Variants in PBX3 observed in about 807,000 individuals in gnomAD.
PBX3 encodes PBX homeobox 3.
In PBX3, 14 loss-of-function variants were observed where a neutral mutation model predicts 48.5. That is an observed-to-expected ratio of 0.29 (90% confidence interval 0.19 to 0.45). The LOEUF (loss-of-function observed/expected upper bound fraction) is 0.45, where lower values mean the gene tolerates loss of function less well. PBX3 is among the 20% of genes least tolerant of loss of function. The pLI, the probability that PBX3 is intolerant of heterozygous loss-of-function variation, is 1.00. For missense variants in PBX3, 386 were observed against 546.7 expected, an observed-to-expected ratio of 0.71 and a Z score of 2.93; for synonymous variants, 210 against 200.3, an observed-to-expected ratio of 1.05 and a Z score of -0.41.
At chr9:125,819,373 A>G (rs554547001) in intron 2 of PBX3, among the ~76,000 whole-genome samples, 1 of 151,854 alleles carries the variant, frequency 6.6e-6, no homozygotes, top group South Asian at 2.1e-4. Context: ...CTAAAAATAC[A>G]AAATTAGCTG....
Position 125,937,360 on chromosome 9 carries a change from TA to T in PBX3, c.843+1761del, listed in dbSNP as rs539276800. ...AACCCACTTACCAGTGTGTTTTTTT[TA>T]AAAAAAACAGTTAATTATTAAATTT... On this transcript the variant is annotated intron_variant, in intron 5 of 8. Transcript: ENST00000373489. Among the ~76,000 whole-genome samples the T allele has an allele frequency of 5.3e-5, 8 of 151,706 alleles. No individual in the cohort carries two copies. The East Asian group carries it at 5.8e-4, about 11-fold the overall frequency.
chr9:125,872,579 C>T (rs575664328), intron 2 of PBX3, among the ~76,000 whole-genome samples: 25 of 151,716 alleles, frequency 1.6e-4, no homozygotes, highest in Non-Finnish European at 2.1e-4. Flanking sequence ...GGCAACATAG[C>T]GAGACCCCCA....
Position 125,966,913 on chromosome 9 carries a change from C to T in PBX3, c.*990C>T, listed in dbSNP as rs1281957407. On this transcript the variant is annotated 3_prime_UTR_variant, in exon 9 of 9. Transcript: ENST00000373489. ...ATCTTGTAATTAACTCTTTGTTTCC[C>T]TTCATAAAATGTAATGTACATTGTA... The T allele has an allele frequency of 2.6e-5, 4 of 152,468 alleles. No homozygotes were observed. The highest frequency in any genetic ancestry group is 4.8e-5 in the African/African-American group (2 of 41,390). The allele number at this position is 152,468 out of a possible 1,614,324, so 9.4% of individuals were successfully genotyped here. A position where few individuals can be genotyped will look rare whatever the true frequency, so the allele number is the denominator to read the frequency against.
chr9:125,790,228 A>C (rs111794128), intron 2 of PBX3, among the ~76,000 whole-genome samples: 3,901 of 152,210 alleles, frequency 0.026, 62 homozygotes, highest in Middle Eastern at 0.051. Flanking sequence ...CAAAGCATTA[A>C]AATTGCAGAG....
intron 2 of PBX3, among the ~76,000 whole-genome samples, chr9:125,855,765 T>C (rs1278724706): frequency 6.6e-6 from 1 of 152,140 alleles, no homozygotes; most frequent in Non-Finnish European, 1.5e-5. Context: ...GCTTTACAGA[T>C]GAAAGTTTTG....
intron 2 of PBX3, among the ~76,000 whole-genome samples, chr9:125,821,763 C>T (rs1241862321): frequency 2.0e-5 from 3 of 152,086 alleles, no homozygotes; most frequent in African/African-American, 4.8e-5. Context: ...TAGCTCTGTC[C>T]ACTATATAGT....
chr9:125,877,121 T>G (rs1236420270), intron 2 of PBX3, among the ~76,000 whole-genome samples: 1 of 152,158 alleles, frequency 6.6e-6, no homozygotes, highest in East Asian at 1.9e-4. Flanking sequence ...ACAGGAACAG[T>G]GTCATGCACA....
At position 125,759,238 on chromosome 9, in the gene PBX3, TA is replaced by T. The variant is rs1220094373; in HGVS notation, c.274+10618del. 1.3e-5 allele frequency among the ~76,000 whole-genome samples: 2 copies of T among 152,238 alleles called. No individual in the cohort carries two copies. Among genetic ancestry groups the T allele is most frequent in the Non-Finnish European group, 2.9e-5 (2 of 68,042 alleles). ...TCAGTTTAATGGCAAAAATCTGCCC[TA>T]AATGCCTCAGTAAATATATGCTGGA... is the stretch of plus-strand genomic sequence containing the variant. On this transcript the variant is annotated intron_variant, in intron 2 of 8. Transcript: ENST00000373489. The surrounding 1 kb of genome is among the most constrained non-coding windows in gnomAD (Gnocchi z 4.2).
rs1015123523 is a variant in PBX3, at chr9:125,747,713, G to C, written c.200+60G>C. 8.0e-5 allele frequency: 109 copies of C among 1,361,408 alleles called. No individual in the cohort carries two copies. The African/African-American group carries it at 1.5e-3, about 19-fold the overall frequency. The allele number at this position is 1,361,408 out of a possible 1,614,324, so 84.3% of individuals were successfully genotyped here. ...GTGCGGGAGCCGGGCCCGCGGCCGAGTCGAGGCCCGGGGTGGCGCCCGGGG... is the reference window on the plus strand; with the variant it reads ...GTGCGGGAGCCGGGCCCGCGGCCGACTCGAGGCCCGGGGTGGCGCCCGGGG... On this transcript the variant is annotated intron_variant, in intron 1 of 8. Transcript: ENST00000373489.
intron 2 of PBX3, among the ~76,000 whole-genome samples, chr9:125,766,619 A>G (rs1564643867): frequency 6.6e-6 from 1 of 152,134 alleles, no homozygotes; most frequent in Non-Finnish European, 1.5e-5. Flanking sequence ...ATGAAATCTT[A>G]AAGAGTAGAT....
intron 2 of PBX3, chr9:125,843,743 T>C: frequency 2.2e-6 from 1 of 451,270 alleles, no homozygotes; most frequent in East Asian, 7.1e-5. Context: ...TGCAGCGAGG[T>C]CATAAGCTGA....
chr9:125,935,591 G>C lies in PBX3; in HGVS notation c.827G>C (p.Ser276Thr). Residue 276 changes from serine (S) to threonine (T), a missense_variant, in exon 5 of 9, where the codon AGC becomes ACC. By Grantham distance (58) the Ser-to-Thr change is moderately conservative (BLOSUM62 1). Coordinates refer to ENST00000373489, the MANE Select transcript of PBX3 (RefSeq NM_006195.6). Reference sequence around the variant, plus strand: ...AAAGAGGAGCTGGCCAAGAAATGCAGCATCACAGTGTCACAGGTGAGAAAG... The same window carrying C: ...AAAGAGGAGCTGGCCAAGAAATGCACCATCACAGTGTCACAGGTGAGAAAG... Reference protein sequence around the residue: ...EAKEELAKKCSITVSQVSNWF... With the variant: ...EAKEELAKKCTITVSQVSNWF... 6.2e-7 allele frequency: 1 copy of C among 1,613,756 alleles called. No individual in the cohort carries two copies. The highest frequency in any genetic ancestry group is 1.7e-4 in the Middle Eastern group (1 of 6,054).
chr9:125,870,986 G>A (rs1015739301), intron 2 of PBX3, among the ~76,000 whole-genome samples: 30 of 152,140 alleles, frequency 2.0e-4, no homozygotes, highest in Admixed American at 1.4e-3. Flanking sequence ...GCATGTATAC[G>A]TACATACCCT....
At chr9:125,811,282 T>G (rs545751403) in intron 2 of PBX3, among the ~76,000 whole-genome samples, 2 of 152,314 alleles carry the variant, frequency 1.3e-5, no homozygotes, top group East Asian at 1.9e-4. Context: ...AATAAACGTT[T>G]GTTTCTCATA....
intron 3 of PBX3, among the ~76,000 whole-genome samples, chr9:125,917,764 TA>T (rs1296459003): frequency 2.0e-5 from 3 of 152,330 alleles, no homozygotes; most frequent in Non-Finnish European, 2.9e-5. Context: ...AGCTTTAAGT[TA>T]AAAAGTAGTG....
chr9:125,873,719 G>A (rs1204259004), intron 2 of PBX3, among the ~76,000 whole-genome samples: 2 of 152,026 alleles, frequency 1.3e-5, no homozygotes, highest in African/African-American at 4.8e-5. Flanking sequence ...AGCTTCAAAT[G>A]TTTACATTAT....
chr9:125,816,085 GC>G (rs1838453284), intron 2 of PBX3, among the ~76,000 whole-genome samples: 1 of 152,088 alleles, frequency 6.6e-6, no homozygotes, highest in African/African-American at 2.4e-5. Flanking sequence ...GCTCACTGCA[GC>G]CCCGACTGCC....
intron 2 of PBX3, among the ~76,000 whole-genome samples, chr9:125,889,224 A>G (rs1840576216): frequency 6.6e-6 from 1 of 152,058 alleles, no homozygotes; most frequent in Non-Finnish European, 1.5e-5. Context: ...TAACTCACTG[A>G]CCCGTGGAGA....
intron 5 of PBX3, among the ~76,000 whole-genome samples, chr9:125,941,817 A>G (rs898570322): frequency 2.0e-5 from 3 of 152,230 alleles, no homozygotes; most frequent in Non-Finnish European, 4.4e-5. Flanking sequence ...AATAGAGCTA[A>G]TTTACATTGA....
Sources: allele counts gnomAD v4.1 joint callset (sites outside exome capture counted in the v4.1 genomes callset), GRCh38; gene constraint gnomAD v4.1.1; non-coding constraint Gnocchi (gnomAD v3.1); transcripts MANE v1.5; gene names NCBI Gene and HGNC (gene_info 2026-07-23, HGNC 2026-07-21).